The following PNKD variants were observed in gnomAD, a reference collection of about 807,000 sequenced individuals.
PNKD encodes PNKD metallo-beta-lactamase domain containing.
Under a neutral mutation model 45.3 loss-of-function variants are expected in PNKD, and 36 were observed. The observed-to-expected ratio is 0.80, with a 90% confidence interval of 0.61 to 1.05. PNKD has a LOEUF of 1.05. PNKD is among the 50% of genes least tolerant of loss of function. The pLI is 0.00. For synonymous variants in PNKD, 197 were observed against 210.1 expected, an observed-to-expected ratio of 0.94 and a Z score of 0.54; for missense variants, 511 against 506.6, an observed-to-expected ratio of 1.01 and a Z score of -0.08.
At chr2:218,289,386 A>T (rs1364567308) in intron 2 of PNKD, among the ~76,000 whole-genome samples, 1 of 152,170 alleles carries the variant, frequency 6.6e-6, no homozygotes, top group Non-Finnish European at 1.5e-5. Flanking sequence ...TCATGCCTGT[A>T]ATCCCAGCAC....
At chr2:218,323,267 C>T in intron 2 of PNKD, 3 of 1,526,460 alleles carry the variant, frequency 2.0e-6, no homozygotes, top group Non-Finnish European at 2.6e-6. Context: ...CTGCCCCCAG[C>T]ATGGCTTGGC....
intron 5 of PNKD, 126 bp from the exon 6 acceptor site, chr2:218,341,408 G>A: frequency 1.6e-6 from 1 of 635,312 alleles, no homozygotes; most frequent in African/African-American, 1.8e-5. Flanking sequence ...CTAGAGGTGT[G>A]GACAACTTGG....
At chr2:218,320,159 C>T (rs988959733) in intron 2 of PNKD, among the ~76,000 whole-genome samples, 11 of 152,188 alleles carry the variant, frequency 7.2e-5, no homozygotes, top group African/African-American at 2.4e-4. Context: ...GTAATATGTA[C>T]CTGGCACTAT....
At chr2:218,312,443 A>T (rs951762085) in intron 2 of PNKD, among the ~76,000 whole-genome samples, 1 of 152,028 alleles carries the variant, frequency 6.6e-6, no homozygotes, top group African/African-American at 2.4e-5. Flanking sequence ...AGGGCTGAGG[A>T]GGGACTCACT....
chr2:218,281,986 G>A, intron 2 of PNKD: 1 of 1,606,658 alleles, frequency 6.2e-7, no homozygotes, highest in Non-Finnish European at 8.5e-7. Flanking sequence ...GCTGTGGGTA[G>A]CCAGCAGGGT....
intron 2 of PNKD, among the ~76,000 whole-genome samples, chr2:218,319,045 C>G (rs1432435778): frequency 6.7e-6 from 1 of 148,452 alleles, no homozygotes; most frequent in African/African-American, 2.5e-5. Flanking sequence ...ACCTCCGCCT[C>G]CTGGGTTCAA....
At chr2:218,322,704 T>C (rs910579641) in intron 2 of PNKD, among the ~76,000 whole-genome samples, 2 of 152,208 alleles carry the variant, frequency 1.3e-5, no homozygotes, top group African/African-American at 4.8e-5. Flanking sequence ...ATAATTTTGT[T>C]TGCTCGCTTA....
At chr2:218,294,430 T>C (rs193261383) in intron 2 of PNKD, among the ~76,000 whole-genome samples, 243 of 152,312 alleles carry the variant, frequency 1.6e-3, no homozygotes, top group South Asian at 3.7e-3. Context: ...CTCCCTCTGC[T>C]TCACAGATAT....
At chr2:218,278,668 T>C in intron 2 of PNKD, 4 of 1,289,442 alleles carry the variant, frequency 3.1e-6, no homozygotes, top group Non-Finnish European at 4.5e-6. Context: ...TTTGGAAGTC[T>C]GAGGGGAAGC....
chr2:218,272,237 C>A lies in PNKD; in HGVS notation c.236+688C>A, dbSNP rs140331043. ...AAAGCGTCAGGGCTGCCTGGAAAAT[C>A]CTGCACAGGTGCTGTTGCAGGAATG... On this transcript the variant is annotated intron_variant, in intron 2 of 9. Transcript: ENST00000273077. Among the ~76,000 whole-genome samples, 110 of 151,414 alleles carry A rather than the reference C, an allele frequency of 7.3e-4. 1 individual carries two copies. The highest frequency in any genetic ancestry group is 3.4e-3 in the Middle Eastern group (1 of 294).
chr2:218,287,773 C>G (rs907994040), intron 2 of PNKD, among the ~76,000 whole-genome samples: 2 of 152,186 alleles, frequency 1.3e-5, no homozygotes, highest in African/African-American at 4.8e-5. Flanking sequence ...CTCCCAGCCC[C>G]CTCTCTAGCC....
chr2:218,331,489 T>C lies in PNKD; in HGVS notation c.237-8294T>C, dbSNP rs1232343542. 5.3e-5 allele frequency among the ~76,000 whole-genome samples: 8 copies of C among 152,214 alleles called. No individual in the cohort carries two copies. The South Asian group carries it at 1.7e-3, about 32-fold the overall frequency. ...TTTTTATTTATTTATTTTTTTATTTTAGAGGGAGTCTTGCTCTGTCACCCA... is the reference window on the plus strand; with the variant it reads ...TTTTTATTTATTTATTTTTTTATTTCAGAGGGAGTCTTGCTCTGTCACCCA... On this transcript the variant is annotated intron_variant, in intron 2 of 9. Transcript: ENST00000273077.
intron 2 of PNKD, among the ~76,000 whole-genome samples, chr2:218,315,508 T>C (rs1693786923): frequency 6.6e-6 from 1 of 152,202 alleles, no homozygotes. Flanking sequence ...CCTTGTTAGA[T>C]CTTCTGTTGC....
intron 2 of PNKD, chr2:218,272,749 G>A (rs1690899999): frequency 6.2e-7 from 1 of 1,614,050 alleles, no homozygotes. Flanking sequence ...GTTGGGTCTG[G>A]GGTGCAGACC....
intron 2 of PNKD, chr2:218,280,136 G>A: frequency 6.2e-7 from 1 of 1,600,700 alleles, no homozygotes; most frequent in Non-Finnish European, 8.6e-7. Context: ...CCTAGGGACA[G>A]ATGACACTTG....
At position 218,344,777 on chromosome 2, in the gene PNKD, C is replaced by G. The variant is rs370771364; in HGVS notation, c.985-31C>G. ...GTCTTGGGTCCATTTCCCAGCTTCT[C>G]TCCACCAAACCTGGTTCCTCTCACC... is the stretch of plus-strand genomic sequence containing the variant. On this transcript the variant is annotated intron_variant, in intron 9 of 9. Coordinates refer to ENST00000273077, the MANE Select transcript of PNKD (RefSeq NM_015488.5). The G allele has an allele frequency of 2.6e-4, 411 of 1,609,540 alleles. No individual in the cohort carries two copies. Among genetic ancestry groups the G allele is most frequent in the Middle Eastern group, 2.5e-3 (15 of 6,054 alleles).
chr2:218,318,412 C>T (rs931295006), intron 2 of PNKD, among the ~76,000 whole-genome samples: 2 of 152,210 alleles, frequency 1.3e-5, no homozygotes, highest in South Asian at 4.1e-4. Flanking sequence ...CCTGCAGCTT[C>T]CTCTGATATT....
At chr2:218,321,626 T>TC (rs1456532571) in intron 2 of PNKD, among the ~76,000 whole-genome samples, 3 of 58,748 alleles carry the variant, frequency 5.1e-5, no homozygotes, top group African/African-American at 2.1e-4. Flanking sequence ...AGCTTGACTT[T>TC]TTTTTTTTTT....
At chr2:218,277,841 C>A in intron 2 of PNKD, 1 of 1,579,078 alleles carries the variant, frequency 6.3e-7, no homozygotes, top group Non-Finnish European at 8.7e-7. Flanking sequence ...AGGAGACAGC[C>A]AGGACATCCT....
Sources: allele counts gnomAD v4.1 joint callset (sites outside exome capture counted in the v4.1 genomes callset), GRCh38; gene constraint gnomAD v4.1.1; transcripts MANE v1.5; gene names NCBI Gene and HGNC (gene_info 2026-07-23, HGNC 2026-07-21).